Variants in PDS5A observed in about 807,000 individuals in gnomAD.
PDS5A encodes PDS5 cohesin associated factor A, also known as sister chromatid cohesion protein PDS5 homolog A.
Under a neutral mutation model 167.1 loss-of-function variants are expected in PDS5A, and 42 were observed. The ratio of observed to expected loss-of-function variants is 0.25; its 90% CI spans 0.20 to 0.33. The LOEUF is 0.33. Ranked by LOEUF, PDS5A falls within the 10% of genes least tolerant of loss-of-function variation. The probability of loss-of-function intolerance (pLI) is 1.00; values close to 1 mark genes in which losing one functional copy is unlikely to be tolerated. For missense variants in PDS5A, 1,033 were observed against 1,605.9 expected, an observed-to-expected ratio of 0.64 and a Z score of 6.10; for synonymous variants, 553 against 554.6, an observed-to-expected ratio of 1.00 and a Z score of 0.04.
chr4:39,835,995 C>T (rs572220320), intron 32 of PDS5A, among the ~76,000 whole-genome samples: 3 of 152,108 alleles, frequency 2.0e-5, no homozygotes, highest in Admixed American at 1.3e-4. Flanking sequence ...TCCAGGGAAA[C>T]GTTCAACTTT....
At position 39,877,138 on chromosome 4, in the gene PDS5A, G is replaced by A; in HGVS notation, c.2008C>T (p.His670Tyr). Residue 670 changes from histidine to tyrosine, a missense_variant, in exon 19 of 33, where the codon CAT becomes TAT. Coordinates refer to ENST00000303538, the MANE Select transcript of PDS5A (RefSeq NM_001100399.2). ...TCTGCAGAGTGGAACGAGGTAGGAT[G>A]TGTAAAAGACAGAACCTGAAAAAAC... The part of the protein sequence containing the change: ...LELLKVLSFT[H>Y]PTSFHSAETY... The A allele has an allele frequency of 6.3e-7, 1 of 1,589,238 alleles. No individual in the cohort carries two copies. Among genetic ancestry groups the A allele is most frequent in the Non-Finnish European group, 8.6e-7 (1 of 1,166,582 alleles).
intron 17 of PDS5A, among the ~76,000 whole-genome samples, chr4:39,881,308 CTAG>C (rs1290254591): frequency 6.6e-6 from 1 of 151,190 alleles, no homozygotes; most frequent in Non-Finnish European, 1.5e-5. Flanking sequence ...GGATGTATAC[CTAG>C]TAGTGGGATT....
intron 5 of PDS5A, among the ~76,000 whole-genome samples, chr4:39,925,557 A>G (rs904809985): frequency 3.9e-5 from 6 of 152,182 alleles, no homozygotes; most frequent in Non-Finnish European, 8.8e-5. Flanking sequence ...TCAAAACAAG[A>G]GCACCACTTT....
chr4:39,959,861 C>G (rs1463770401), intron 2 of PDS5A, among the ~76,000 whole-genome samples: 5 of 151,820 alleles, frequency 3.3e-5, no homozygotes. Context: ...GAGGGCAAGG[C>G]AAGCAGATCA....
intron 2 of PDS5A, among the ~76,000 whole-genome samples, chr4:39,930,330 C>A (rs754160936): frequency 7.0e-6 from 1 of 143,852 alleles, no homozygotes. Flanking sequence ...TGGGCTCAAG[C>A]GACCTGCCTG....
At chr4:39,954,509 T>TG (rs971879383) in intron 2 of PDS5A, among the ~76,000 whole-genome samples, 1 of 151,478 alleles carries the variant, frequency 6.6e-6, no homozygotes, top group African/African-American at 2.4e-5. Context: ...TTAGTAGAGG[T>TG]GGGGTTTCAC....
chr4:39,951,169 A>T (rs1728315182), intron 2 of PDS5A, among the ~76,000 whole-genome samples: 1 of 152,178 alleles, frequency 6.6e-6, no homozygotes, highest in Non-Finnish European at 1.5e-5. Flanking sequence ...CTAGGATTAC[A>T]GAAATAAACC....
chr4:39,915,280 C>A (rs1344865867), intron 8 of PDS5A, among the ~76,000 whole-genome samples: 2 of 151,488 alleles, frequency 1.3e-5, no homozygotes, highest in African/African-American at 4.9e-5. Flanking sequence ...CTCAGGCAAG[C>A]CTCCTACCTC....
At chr4:39,954,749 TA>T (rs1728769872) in intron 2 of PDS5A, among the ~76,000 whole-genome samples, 1 of 118,120 alleles carries the variant, frequency 8.5e-6, no homozygotes, top group African/African-American at 3.4e-5. Flanking sequence ...GACGTTAAAA[TA>T]ACTATGAGGC....
chr4:39,879,737 T>C lies in PDS5A; in HGVS notation c.1983A>G (p.Glu661=). 6.3e-7 allele frequency: 1 copy of C among 1,599,344 alleles called. No individual in the cohort carries two copies. Among genetic ancestry groups the C allele is most frequent in the Non-Finnish European group, 8.6e-7 (1 of 1,167,060 alleles). ...ACTGTTTCAAAAATACCTTAAGAAG[T>C]TCAAGTCCTGAACGGATAGCTGTAT... ...SPDTAIRSGL[E]LLKVLSFTHP... is the part of the protein sequence containing the mutation. The change falls in exon 18 of 33, where the codon GAA becomes GAG. Residue 661 remains glutamate (E), a synonymous_variant. Coordinates refer to ENST00000303538, the MANE Select transcript of PDS5A (RefSeq NM_001100399.2).
intron 17 of PDS5A, among the ~76,000 whole-genome samples, chr4:39,886,064 A>G (rs891070736): frequency 1.3e-5 from 2 of 152,192 alleles, no homozygotes; most frequent in African/African-American, 4.8e-5. Flanking sequence ...ACCACAATTT[A>G]TTGTAGAGAC....
intron 17 of PDS5A, among the ~76,000 whole-genome samples, chr4:39,885,298 A>C (rs1014418753): frequency 2.9e-5 from 4 of 138,412 alleles, no homozygotes; most frequent in Middle Eastern, 3.2e-3. Context: ...AGAAAGGAGA[A>C]GAGAAGAGAA....
chr4:39,883,188 T>A (rs75053983), intron 17 of PDS5A, among the ~76,000 whole-genome samples: 5,488 of 151,966 alleles, frequency 0.036, 209 homozygotes, highest in East Asian at 0.2. Context: ...TCTTTTTTTT[T>A]AAAAAAAGAA....
chr4:39,892,112 C>CA (rs891177058), intron 16 of PDS5A, among the ~76,000 whole-genome samples: 9 of 151,100 alleles, frequency 6.0e-5, no homozygotes, highest in African/African-American at 1.2e-4. Context: ...AAACAAAAAA[C>CA]AAAAAAAAGT....
chr4:39,923,836 C>A (rs556348496), intron 5 of PDS5A, among the ~76,000 whole-genome samples: 1 of 152,122 alleles, frequency 6.6e-6, no homozygotes, highest in South Asian at 2.1e-4. Flanking sequence ...AAGATAAAAA[C>A]CTATTTAAAC....
At chr4:39,930,912 C>A (rs981974558) in intron 2 of PDS5A, among the ~76,000 whole-genome samples, 6 of 152,148 alleles carry the variant, frequency 3.9e-5, no homozygotes, top group African/African-American at 1.4e-4. Flanking sequence ...AATTTATAAT[C>A]TTAAATGTGT....
chr4:39,838,682 C>T (rs1716663947), intron 31 of PDS5A, among the ~76,000 whole-genome samples: 1 of 151,860 alleles, frequency 6.6e-6, no homozygotes, highest in Non-Finnish European at 1.5e-5. Flanking sequence ...GAGATTATGC[C>T]ACTGGACTCC....
At chr4:39,925,089 G>A (rs997428630) in intron 5 of PDS5A, among the ~76,000 whole-genome samples, 2 of 152,140 alleles carry the variant, frequency 1.3e-5, no homozygotes, top group African/African-American at 2.4e-5. Context: ...TCCAGTATGG[G>A]TGACAGAGCA....
chr4:39,972,123 T>C (rs1230197241), intron 2 of PDS5A, among the ~76,000 whole-genome samples: 3 of 152,214 alleles, frequency 2.0e-5, no homozygotes, highest in Non-Finnish European at 2.9e-5. Context: ...CTCCACTGGA[T>C]TGTATGTCCA....
Sources: gnomAD v4.1 joint callset for allele counts (sites outside exome capture counted in the v4.1 genomes callset) on GRCh38, gnomAD v4.1.1 for gene constraint, MANE v1.5 for transcripts, NCBI Gene and HGNC (gene_info 2026-07-23, HGNC 2026-07-21) for gene names.